The following HHAT variants were observed in gnomAD, a reference collection of about 807,000 sequenced individuals.
The protein encoded by HHAT is protein-cysteine N-palmitoyltransferase HHAT.
Under a neutral mutation model 70.8 loss-of-function variants are expected in HHAT, and 47 were observed. The ratio of observed to expected loss-of-function variants is 0.66; its 90% CI spans 0.53 to 0.85. The LOEUF (loss-of-function observed/expected upper bound fraction) is 0.85. Ranked by LOEUF, HHAT falls within the 40% of genes least tolerant of loss-of-function variation. The probability of loss-of-function intolerance (pLI) is 0.00; values close to 1 mark genes in which losing one functional copy is unlikely to be tolerated. For missense variants in HHAT, 609 were observed against 604.8 expected (o/e 1.01, Z -0.07); for synonymous variants, 228 against 247.6 (o/e 0.92, Z 0.74).
At chr1:210,507,924 G>T (rs1021729340) in intron 8 of HHAT, among the ~76,000 whole-genome samples, 1 of 151,922 alleles carries the variant, frequency 6.6e-6, no homozygotes, top group African/African-American at 2.4e-5. Context: ...GCATGGCCGG[G>T]CATGGTGGCT....
intron 8 of HHAT, among the ~76,000 whole-genome samples, chr1:210,482,403 A>C (rs2094410596): frequency 6.6e-6 from 1 of 152,228 alleles, no homozygotes; most frequent in African/African-American, 2.4e-5. Context: ...TAGTTTCTCT[A>C]ACGCAATTTT....
chr1:210,409,110 C>T (rs2092438372), intron 6 of HHAT, among the ~76,000 whole-genome samples: 1 of 152,216 alleles, frequency 6.6e-6, no homozygotes, highest in Admixed American at 6.5e-5. Flanking sequence ...AAGTGATTCT[C>T]TTGCTTCGGC....
intron 7 of HHAT, among the ~76,000 whole-genome samples, chr1:210,442,597 G>A (rs1472446613): frequency 6.6e-6 from 1 of 152,008 alleles, no homozygotes; most frequent in African/African-American, 2.4e-5. Context: ...TTCTCTGATG[G>A]CCAGTGATGA....
At chr1:210,564,935 A>G (rs1337517899) in intron 9 of HHAT, among the ~76,000 whole-genome samples, 1 of 152,216 alleles carries the variant, frequency 6.6e-6, no homozygotes. Context: ...CTTTTAAAAA[A>G]AGCCATTAGG....
At chr1:210,389,086 A>G (rs968340606) in intron 4 of HHAT, among the ~76,000 whole-genome samples, 4 of 152,230 alleles carry the variant, frequency 2.6e-5, no homozygotes, top group Non-Finnish European at 5.9e-5. Flanking sequence ...AAGAGAATAC[A>G]TAAAACTGAG....
At chr1:210,526,027 C>T (rs1393176826) in intron 9 of HHAT, among the ~76,000 whole-genome samples, 1 of 152,146 alleles carries the variant, frequency 6.6e-6, no homozygotes, top group East Asian at 1.9e-4. Flanking sequence ...TTCTTCCTTG[C>T]AGGAAGAGTC....
intron 2 of HHAT, among the ~76,000 whole-genome samples, 158 bp downstream of exon 2, chr1:210,349,224 T>G (rs2086797402): frequency 6.6e-6 from 1 of 152,184 alleles, no homozygotes. Context: ...ATCAGTGACC[T>G]GAGTCCATTG....
chr1:210,477,223 A>G (rs2094318895), intron 8 of HHAT, among the ~76,000 whole-genome samples: 1 of 152,158 alleles, frequency 6.6e-6, no homozygotes, highest in East Asian at 1.9e-4. Context: ...CAGGTGCTCA[A>G]ACCATATAAA....
At chr1:210,615,540 G>A (rs1322446534) in intron 10 of HHAT, among the ~76,000 whole-genome samples, 1 of 152,158 alleles carries the variant, frequency 6.6e-6, no homozygotes, top group Non-Finnish European at 1.5e-5. Context: ...TCAGTTTTTT[G>A]TTCTGTTTTT....
intron 10 of HHAT, among the ~76,000 whole-genome samples, chr1:210,612,211 A>G (rs889518155): frequency 1.3e-5 from 2 of 152,174 alleles, no homozygotes; most frequent in Admixed American, 6.5e-5. Flanking sequence ...ACATTTGGGT[A>G]TACAATTAAG....
chr1:210,506,854 C>T (rs578104859), intron 8 of HHAT, among the ~76,000 whole-genome samples: 42 of 152,282 alleles, frequency 2.8e-4, no homozygotes, highest in Middle Eastern at 3.4e-3. Context: ...TATTGCTTTC[C>T]GGAAGGCTCT....
rs1014380662 is a variant in HHAT at position 210,577,070 on chromosome 1, C to CG, written c.1044-10825dup. ...CTCTGATTTTACTGAATTTGTTTAA[C>CG]GGGTTTTTTTTTTGCAGTCTTTAGG... On this transcript the variant is annotated intron_variant, in intron 9 of 11. Transcript: ENST00000261458. 1.2e-4 allele frequency among the ~76,000 whole-genome samples: 15 copies of CG among 128,350 alleles called. No individual in the cohort carries two copies. In the Admixed American group the frequency reaches 1.3e-3, roughly 11 times the overall value. 84.2% of individuals were successfully genotyped at this position (128,350 alleles called of 152,430 possible).
intron 8 of HHAT, among the ~76,000 whole-genome samples, chr1:210,480,461 A>G (rs2148484350): frequency 6.6e-6 from 1 of 152,338 alleles, no homozygotes; most frequent in South Asian, 2.1e-4. Flanking sequence ...CAGGGAAGAC[A>G]TGGAGCTGCA....
intron 2 of HHAT, among the ~76,000 whole-genome samples, chr1:210,351,902 G>T (rs1016344544): frequency 6.6e-6 from 1 of 152,216 alleles, no homozygotes; most frequent in Middle Eastern, 3.2e-3. Context: ...GGGAAGGAAA[G>T]ACTGCACCTT....
chr1:210,665,711 T>C (rs992159838), intron 11 of HHAT, among the ~76,000 whole-genome samples: 17 of 152,254 alleles, frequency 1.1e-4, no homozygotes, highest in African/African-American at 4.1e-4. Context: ...GTTTTCCACA[T>C]AGGACTCAAC....
intron 2 of HHAT, among the ~76,000 whole-genome samples, chr1:210,361,325 G>A (rs1257098733): frequency 6.6e-6 from 1 of 152,192 alleles, no homozygotes; most frequent in Non-Finnish European, 1.5e-5. Context: ...CACGCAAATA[G>A]GTGCGTGCAC....
At chr1:210,425,167 T>A (rs1295787589) in intron 7 of HHAT, among the ~76,000 whole-genome samples, 1 of 152,246 alleles carries the variant, frequency 6.6e-6, no homozygotes, top group African/African-American at 2.4e-5. Context: ...GAAAGTCTGT[T>A]TATGTCCTTT....
intron 10 of HHAT, among the ~76,000 whole-genome samples, chr1:210,613,547 T>C (rs1667012780): frequency 6.6e-6 from 1 of 152,180 alleles, no homozygotes; most frequent in South Asian, 2.1e-4. Flanking sequence ...AATCAGGAAG[T>C]TTGTGTCCTG....
At chr1:210,620,848 C>G (rs1468073195) in intron 10 of HHAT, among the ~76,000 whole-genome samples, 1 of 150,758 alleles carries the variant, frequency 6.6e-6, no homozygotes, top group Non-Finnish European at 1.5e-5. Context: ...CCTCTCCTTC[C>G]TATCTCTGAG....
Sources: allele counts gnomAD v4.1 joint callset (sites outside exome capture counted in the v4.1 genomes callset), GRCh38; gene constraint gnomAD v4.1.1; transcripts MANE v1.5; gene names NCBI Gene and HGNC (gene_info 2026-07-23, HGNC 2026-07-21).